NEGR1: variants seen among roughly 807,000 people sequenced by gnomAD.
NEGR1 encodes neuronal growth regulator 1.
In NEGR1, 10 loss-of-function variants were observed where a neutral mutation model predicts 40.9. That is an observed-to-expected ratio of 0.24 (90% confidence interval 0.15 to 0.42). NEGR1 has a LOEUF of 0.42. NEGR1 is among the 10% of genes least tolerant of loss of function. The pLI, the probability that NEGR1 is intolerant of heterozygous loss-of-function variation, is 1.00. For missense variants in NEGR1, 352 were observed against 438.9 expected (o/e 0.80, Z 1.77); for synonymous variants, 185 against 166.8 (o/e 1.11, Z -0.84).
chr1:71,598,637 G>C (rs566270300), intron 5 of NEGR1, among the ~76,000 whole-genome samples: 2 of 152,226 alleles, frequency 1.3e-5, no homozygotes, highest in East Asian at 3.9e-4. Flanking sequence ...CTTCCTCTAG[G>C]TTCACTAAAT....
At chr1:71,920,858 A>G (rs1398352460) in intron 2 of NEGR1, among the ~76,000 whole-genome samples, 1 of 152,144 alleles carries the variant, frequency 6.6e-6, no homozygotes, top group Non-Finnish European at 1.5e-5. Flanking sequence ...ACAGCTCTAC[A>G]GCCTCTCTGT....
intron 2 of NEGR1, among the ~76,000 whole-genome samples, chr1:71,817,637 G>A (rs1200104766): frequency 6.6e-6 from 1 of 150,876 alleles, no homozygotes; most frequent in Non-Finnish European, 1.5e-5. Context: ...CTGATCACTA[G>A]TAAGGAGGAA....
intron 5 of NEGR1, among the ~76,000 whole-genome samples, chr1:71,598,942 T>C (rs1247388835): frequency 6.6e-6 from 1 of 152,206 alleles, no homozygotes; most frequent in Non-Finnish European, 1.5e-5. Flanking sequence ...TATAACTCTG[T>C]TAGGGCAAGG....
chr1:71,572,516 G>A (rs186864574), intron 6 of NEGR1, among the ~76,000 whole-genome samples: 1 of 152,284 alleles, frequency 6.6e-6, no homozygotes, highest in Admixed American at 6.5e-5. Flanking sequence ...GAAAAGCAAA[G>A]CATCTCGTGT....
At chr1:71,529,130 C>T (rs927253161) in intron 6 of NEGR1, among the ~76,000 whole-genome samples, 1 of 150,988 alleles carries the variant, frequency 6.6e-6, no homozygotes, top group East Asian at 1.9e-4. Context: ...AAGATTATTT[C>T]TAGGGACAAA....
At chr1:71,602,024 T>C (rs1322080430) in intron 5 of NEGR1, among the ~76,000 whole-genome samples, 1 of 152,110 alleles carries the variant, frequency 6.6e-6, no homozygotes, top group Admixed American at 6.5e-5. Context: ...GTTTTAGTAC[T>C]CTTGAAAATC....
At chr1:71,794,871 A>G (rs935877856) in intron 2 of NEGR1, among the ~76,000 whole-genome samples, 2 of 152,114 alleles carry the variant, frequency 1.3e-5, no homozygotes, top group Non-Finnish European at 2.9e-5. Context: ...GAATATATAA[A>G]TAATTTCAAC....
chr1:71,950,028 T>A (rs1646054980), intron 1 of NEGR1, among the ~76,000 whole-genome samples: 1 of 152,104 alleles, frequency 6.6e-6, no homozygotes, highest in African/African-American at 2.4e-5. Context: ...AAATATTTTA[T>A]TAAACTGAGG....
chr1:72,077,141 G>A (rs1489438395), intron 1 of NEGR1, among the ~76,000 whole-genome samples: 1 of 151,800 alleles, frequency 6.6e-6, no homozygotes, highest in Non-Finnish European at 1.5e-5. Flanking sequence ...TGATCCATCC[G>A]CCTCGGCCTC....
intron 1 of NEGR1, among the ~76,000 whole-genome samples, chr1:71,943,761 A>C (rs1230441958): frequency 6.6e-6 from 1 of 152,158 alleles, no homozygotes; most frequent in Non-Finnish European, 1.5e-5. Flanking sequence ...CCCGATAATA[A>C]ATTTCATTTG....
chr1:71,470,135 A>T (rs1248627280), intron 6 of NEGR1, among the ~76,000 whole-genome samples: 3 of 152,016 alleles, frequency 2.0e-5, no homozygotes, highest in Non-Finnish European at 4.4e-5. Context: ...CAAACATTAG[A>T]TGTTAGTGTT....
At chr1:72,205,016 T>C (rs1028883400) in intron 1 of NEGR1, among the ~76,000 whole-genome samples, 4 of 152,068 alleles carry the variant, frequency 2.6e-5, no homozygotes, top group African/African-American at 4.8e-5. Context: ...GAAACTTTAC[T>C]GATGGAATCA....
intron 4 of NEGR1, among the ~76,000 whole-genome samples, chr1:71,654,996 T>C (rs1327409345): frequency 1.3e-5 from 2 of 152,158 alleles, no homozygotes; most frequent in Non-Finnish European, 2.9e-5. Flanking sequence ...GTATATACAT[T>C]TGAATTTTGT....
At chr1:71,608,280 C>T (rs500847) in intron 5 of NEGR1, among the ~76,000 whole-genome samples, 2,644 of 152,122 alleles carry the variant, frequency 0.017, 74 homozygotes, top group African/African-American at 0.06. Context: ...TTTTTCTATG[C>T]GTGTGAGTGT....
At chr1:71,466,277 A>G (rs1454559429) in intron 6 of NEGR1, among the ~76,000 whole-genome samples, 1 of 152,096 alleles carries the variant, frequency 6.6e-6, no homozygotes, top group African/African-American at 2.4e-5. Context: ...CCTAGGTATA[A>G]TCAATATCCA....
intron 6 of NEGR1, among the ~76,000 whole-genome samples, chr1:71,558,829 C>T (rs955601704): frequency 6.7e-5 from 10 of 149,420 alleles, no homozygotes; most frequent in Middle Eastern, 3.5e-3. Context: ...ATTTCTCCAA[C>T]GATTCCTGGT....
At chr1:72,239,543 C>A (rs1186354250) in intron 1 of NEGR1, among the ~76,000 whole-genome samples, 2 of 151,074 alleles carry the variant, frequency 1.3e-5, no homozygotes, top group Non-Finnish European at 3.0e-5. Flanking sequence ...GGGGTAGTGA[C>A]ATAATATTCT....
chr1:72,280,681 T>C (rs980307981), intron 1 of NEGR1, among the ~76,000 whole-genome samples: 1 of 152,204 alleles, frequency 6.6e-6, no homozygotes, highest in Non-Finnish European at 1.5e-5. Context: ...ATTAAAAACA[T>C]ATGTATTAGT....
intron 2 of NEGR1, among the ~76,000 whole-genome samples, chr1:71,905,583 G>T (rs898558058): frequency 6.6e-6 from 1 of 151,886 alleles, no homozygotes; most frequent in Non-Finnish European, 1.5e-5. Flanking sequence ...ATGATCCATT[G>T]GTCATTATTT....
Sources: allele counts gnomAD v4.1 joint callset (sites outside exome capture counted in the v4.1 genomes callset), GRCh38; gene constraint gnomAD v4.1.1; transcripts MANE v1.5; gene names NCBI Gene and HGNC (gene_info 2026-07-23, HGNC 2026-07-21).